The following GRIN2A variants were observed in gnomAD, a reference collection of about 807,000 sequenced individuals.
GRIN2A encodes glutamate ionotropic receptor NMDA type subunit 2A, also known as glutamate receptor ionotropic, NMDA 2A.
In GRIN2A, 22 loss-of-function variants were observed where a neutral mutation model predicts 113.4. The ratio of observed to expected loss-of-function variants is 0.19; its 90% CI spans 0.14 to 0.28. The LOEUF (loss-of-function observed/expected upper bound fraction) is 0.28, where lower values mean the gene tolerates loss of function less well. Among genes scored for constraint, GRIN2A ranks in the 10% least tolerant of loss-of-function variants. GRIN2A has a pLI of 1.00. For missense variants in GRIN2A, 1,502 were observed against 1,887.0 expected, an observed-to-expected ratio of 0.80 and a Z score of 3.78; for synonymous variants, 827 against 738.4, an observed-to-expected ratio of 1.12 and a Z score of -1.94.
At chr16:10,155,731 C>T (rs761335531) in intron 2 of GRIN2A, among the ~76,000 whole-genome samples, 2 of 152,100 alleles carry the variant, frequency 1.3e-5, no homozygotes, top group African/African-American at 4.8e-5. Context: ...TGGCAGAAGG[C>T]AAATGAGAAG....
At chr16:9,908,460 C>CTTTTTTTTTT (rs1452594055) in intron 3 of GRIN2A, among the ~76,000 whole-genome samples, 1 of 151,038 alleles carries the variant, frequency 6.6e-6, no homozygotes. Flanking sequence ...TCCCAAATAG[C>CTTTTTTTTTT]TATAAAGGGT....
At chr16:9,798,101 A>G (rs1269362991) in intron 11 of GRIN2A, among the ~76,000 whole-genome samples, 176 bp downstream of exon 11, 1 of 152,210 alleles carries the variant, frequency 6.6e-6, no homozygotes, top group East Asian at 1.9e-4. Context: ...AGTTATCTAG[A>G]ATTGCTTTCC....
intron 3 of GRIN2A, among the ~76,000 whole-genome samples, chr16:9,903,776 A>T (rs1162131544): frequency 1.3e-5 from 2 of 152,226 alleles, no homozygotes; most frequent in African/African-American, 4.8e-5. Flanking sequence ...GTTGGTCCCA[A>T]CCACTCAGGA....
chr16:10,180,655 C>T lies in GRIN2A; in HGVS notation c.-18-226G>A. ...TCGAGCTAATTCTCCATCCCCCAGCCCCTTCTCGCATCCAGCTTCCTCATC... is the reference window on the plus strand; with the variant it reads ...TCGAGCTAATTCTCCATCCCCCAGCTCCTTCTCGCATCCAGCTTCCTCATC... On this transcript the variant is annotated intron_variant, in intron 1 of 12. Coordinates refer to ENST00000330684, the MANE Select transcript of GRIN2A (RefSeq NM_001134407.3). The surrounding 1 kb of genome is among the most constrained non-coding windows in gnomAD (Gnocchi z 7.0). The T allele has an allele frequency of 1.4e-6, 1 of 700,956 alleles. No homozygotes were observed. The highest frequency in any genetic ancestry group is 2.9e-5 in the Admixed American group (1 of 34,160). The allele number at this position is 700,956 out of a possible 1,614,324, so 43.4% of individuals were successfully genotyped here.
intron 2 of GRIN2A, among the ~76,000 whole-genome samples, chr16:9,991,825 T>G (rs1478865620): frequency 1.3e-5 from 2 of 152,170 alleles, no homozygotes; most frequent in Admixed American, 1.3e-4. Flanking sequence ...CCACATGTTC[T>G]TACTCATAAG....
intron 10 of GRIN2A, among the ~76,000 whole-genome samples, chr16:9,809,708 C>G (rs964747900): frequency 6.6e-6 from 1 of 152,162 alleles, no homozygotes; most frequent in African/African-American, 2.4e-5. Context: ...AGTGGAGATG[C>G]TGGGCATGCC....
chr16:10,147,455 CAA>C (rs367830700), intron 2 of GRIN2A, among the ~76,000 whole-genome samples: 1,149 of 72,896 alleles, frequency 0.016, 3 homozygotes, highest in Non-Finnish European at 0.02. Context: ...ACTAAAAATA[CAA>C]AAAAAAAAAA....
chr16:10,059,155 C>A (rs933597571), intron 2 of GRIN2A, among the ~76,000 whole-genome samples: 4 of 152,098 alleles, frequency 2.6e-5, no homozygotes, highest in African/African-American at 9.7e-5. Context: ...GAAATGGCGA[C>A]AAAGATGGAG....
At chr16:9,953,355 C>A (rs35371822) in intron 2 of GRIN2A, among the ~76,000 whole-genome samples, 1 of 151,990 alleles carries the variant, frequency 6.6e-6, no homozygotes, top group Non-Finnish European at 1.5e-5. Context: ...CAGCACCTAG[C>A]CTTGTACCTG....
intron 11 of GRIN2A, among the ~76,000 whole-genome samples, chr16:9,770,833 G>A (rs1259826053): frequency 6.6e-6 from 1 of 152,168 alleles, no homozygotes; most frequent in Non-Finnish European, 1.5e-5. Flanking sequence ...TGAACAGAAA[G>A]TACAGAGAGT....
At chr16:10,021,541 A>G (rs1171614814) in intron 2 of GRIN2A, among the ~76,000 whole-genome samples, 1 of 152,152 alleles carries the variant, frequency 6.6e-6, no homozygotes, top group Admixed American at 6.5e-5. Flanking sequence ...AAAAGGAAAT[A>G]AAAAAGGAAG....
chr16:9,798,216 A>T, intron 11 of GRIN2A, 61 bp downstream of exon 11: 1 of 1,391,084 alleles, frequency 7.2e-7, no homozygotes, highest in Non-Finnish European at 1.0e-6. Flanking sequence ...GCCCAGGAGC[A>T]AACAAAGCGA....
chr16:10,112,002 C>A, intron 2 of GRIN2A: 1 of 666,198 alleles, frequency 1.5e-6, no homozygotes, highest in South Asian at 1.6e-5. Context: ...GCAAGGGAAG[C>A]TGCCTGTGGT....
chr16:10,168,513 A>G (rs2049969648), intron 2 of GRIN2A, among the ~76,000 whole-genome samples: 1 of 152,180 alleles, frequency 6.6e-6, no homozygotes, highest in Non-Finnish European at 1.5e-5. Flanking sequence ...CCAACCTTGC[A>G]AGCCCAATTT....
At chr16:9,863,751 C>T (rs2043112762) in intron 4 of GRIN2A, among the ~76,000 whole-genome samples, 1 of 152,184 alleles carries the variant, frequency 6.6e-6, no homozygotes, top group Non-Finnish European at 1.5e-5. Context: ...AGGAGGATTT[C>T]ATCTTCATTC....
intron 2 of GRIN2A, among the ~76,000 whole-genome samples, chr16:10,067,682 G>C (rs1340281599): frequency 6.6e-6 from 1 of 152,118 alleles, no homozygotes; most frequent in African/African-American, 2.4e-5. Context: ...AAGCAGATGG[G>C]AGGCTGAGAT....
chr16:10,072,158 CA>C (rs2047765480), intron 2 of GRIN2A, among the ~76,000 whole-genome samples: 2 of 152,188 alleles, frequency 1.3e-5, no homozygotes, highest in African/African-American at 2.4e-5. Flanking sequence ...TGAGAGTGAG[CA>C]AAGATGTCTC....
At chr16:10,034,919 G>C (rs534079755) in intron 2 of GRIN2A, among the ~76,000 whole-genome samples, 1 of 152,296 alleles carries the variant, frequency 6.6e-6, no homozygotes, top group East Asian at 1.9e-4. Flanking sequence ...TGATACTTTA[G>C]CCTACAGTAA....
chr16:10,097,639 G>C (rs572709578), intron 2 of GRIN2A, among the ~76,000 whole-genome samples: 1 of 152,306 alleles, frequency 6.6e-6, no homozygotes, highest in South Asian at 2.1e-4. Flanking sequence ...GTGAGCCAGA[G>C]GTGGGCAGTG....
Sources: gnomAD v4.1 joint callset for allele counts (sites outside exome capture counted in the v4.1 genomes callset) on GRCh38, gnomAD v4.1.1 for gene constraint, Gnocchi (gnomAD v3.1) non-coding constraint, MANE v1.5 for transcripts, NCBI Gene and HGNC (gene_info 2026-07-23, HGNC 2026-07-21) for gene names.